Variants in COLEC12 observed in about 807,000 individuals in gnomAD.
The protein encoded by COLEC12 is collectin subfamily member 12.
COLEC12 carries 33 observed loss-of-function variants against 71.1 expected under a neutral mutation model. The ratio of observed to expected loss-of-function variants is 0.46; its 90% CI spans 0.35 to 0.62. The LOEUF (loss-of-function observed/expected upper bound fraction) is 0.62. COLEC12 is among the 20% of genes least tolerant of loss of function. The pLI is 0.00. For synonymous variants in COLEC12, 350 were observed against 353.0 expected (o/e 0.99, Z 0.10); for missense variants, 765 against 916.1 (o/e 0.84, Z 2.13).
rs1311214887 is a variant in COLEC12 at position 355,751 on chromosome 18, T to C, written c.181+1649A>G. On this transcript the variant is annotated intron_variant, in intron 3 of 9. Coordinates refer to ENST00000400256, the MANE Select transcript of COLEC12 (RefSeq NM_130386.3). ...CTAGGAAAAGTCATGGAGAAGTGAG[T>C]AATGACCTAAATAATCTAAACAAAA... is the stretch of plus-strand genomic sequence containing the variant. 2.0e-5 allele frequency among the ~76,000 whole-genome samples: 3 copies of C among 152,250 alleles called. No individual in the cohort carries two copies. In the East Asian group the frequency reaches 5.8e-4, roughly 29 times the overall value.
chr18:338,709 C>T (rs1914174855), intron 5 of COLEC12, among the ~76,000 whole-genome samples: 1 of 152,108 alleles, frequency 6.6e-6, no homozygotes, highest in African/African-American at 2.4e-5. Context: ...AATAGCATCC[C>T]AGAGATGAAT....
intron 7 of COLEC12, among the ~76,000 whole-genome samples, chr18:332,023 A>G (rs2143431802): frequency 6.6e-6 from 1 of 152,154 alleles, no homozygotes; most frequent in South Asian, 2.1e-4. Context: ...CCTCTAAATC[A>G]CTCAGACAAC....
rs1220708222 is a variant in COLEC12 at position 408,360 on chromosome 18, A to G, written c.59-50838T>C. Reference sequence around the variant, plus strand: ...AGGTATCAGATTCTTAAATTTAAGAATCAGAAACATTCTCATCATAAATGT... The same window carrying G: ...AGGTATCAGATTCTTAAATTTAAGAGTCAGAAACATTCTCATCATAAATGT... On this transcript the variant is annotated intron_variant, in intron 2 of 9. Transcript: ENST00000400256. The surrounding 1 kb of genome is among the most constrained non-coding windows in gnomAD (Gnocchi z 4.3). 6.6e-6 allele frequency among the ~76,000 whole-genome samples: 1 copy of G among 152,232 alleles called. No individual in the cohort carries two copies. The highest frequency in any genetic ancestry group is 1.5e-5 in the Non-Finnish European group (1 of 68,050).
chr18:433,801 A>G (rs1307721630), intron 2 of COLEC12, among the ~76,000 whole-genome samples: 1 of 152,004 alleles, frequency 6.6e-6, no homozygotes, highest in African/African-American at 2.4e-5. Flanking sequence ...CTGTCTCTAC[A>G]AAAAGTACAG....
At chr18:483,654 T>C (rs939262133) in intron 1 of COLEC12, among the ~76,000 whole-genome samples, 14 of 152,196 alleles carry the variant, frequency 9.2e-5, no homozygotes, top group Admixed American at 3.9e-4. Context: ...GATTCAGTGA[T>C]TGGCTACCTC....
intron 2 of COLEC12, among the ~76,000 whole-genome samples, chr18:392,606 G>A (rs138252373): frequency 4.6e-5 from 7 of 152,310 alleles, no homozygotes; most frequent in East Asian, 3.9e-4. Flanking sequence ...CTGGACCCAG[G>A]TTTGTGCATC....
At chr18:415,625 G>A (rs1598356190) in intron 2 of COLEC12, among the ~76,000 whole-genome samples, 1 of 152,100 alleles carries the variant, frequency 6.6e-6, no homozygotes, top group Non-Finnish European at 1.5e-5. Flanking sequence ...TGTAAAAGTT[G>A]CCCCTCTTGT....
At chr18:457,740 C>T (rs993511340) in intron 2 of COLEC12, among the ~76,000 whole-genome samples, 4 of 152,118 alleles carry the variant, frequency 2.6e-5, no homozygotes, top group Non-Finnish European at 4.4e-5. Flanking sequence ...CAGCTGTTTC[C>T]GACTTTTTGC....
intron 2 of COLEC12, among the ~76,000 whole-genome samples, chr18:475,125 T>C (rs1917280081): frequency 6.6e-6 from 1 of 152,060 alleles, no homozygotes; most frequent in Non-Finnish European, 1.5e-5. Context: ...TTAGGATTTG[T>C]AAAACCACAT....
chr18:489,128 A>C (rs529109635), intron 1 of COLEC12, among the ~76,000 whole-genome samples: 1 of 152,318 alleles, frequency 6.6e-6, no homozygotes, highest in Non-Finnish European at 1.5e-5. Flanking sequence ...AAAGCCTAAA[A>C]GCTTCCAGAC....
At chr18:428,449 C>G (rs895831873) in intron 2 of COLEC12, among the ~76,000 whole-genome samples, 3 of 152,056 alleles carry the variant, frequency 2.0e-5, no homozygotes, top group Non-Finnish European at 2.9e-5. Flanking sequence ...AAAAGTAGTG[C>G]TAAGTGATTA....
At chr18:432,580 T>C (rs562408706) in intron 2 of COLEC12, among the ~76,000 whole-genome samples, 16 of 152,218 alleles carry the variant, frequency 1.1e-4, no homozygotes, top group Non-Finnish European at 2.1e-4. Context: ...TTTTTGCTTA[T>C]ACGTGATTTC....
intron 2 of COLEC12, among the ~76,000 whole-genome samples, chr18:462,647 C>A (rs765450546): frequency 1.2e-4 from 18 of 152,186 alleles, no homozygotes; most frequent in Admixed American, 9.2e-4. Context: ...TGAACTGGTA[C>A]ACCTTAAATG....
chr18:435,775 TGAA>T (rs1039108705), intron 2 of COLEC12, among the ~76,000 whole-genome samples: 2 of 152,228 alleles, frequency 1.3e-5, no homozygotes, highest in East Asian at 1.9e-4. Flanking sequence ...ACACATAAGT[TGAA>T]GAAGTTCATT....
intron 4 of COLEC12, 57 bp from the exon 5 acceptor site, chr18:347,398 G>C: frequency 6.9e-7 from 1 of 1,445,574 alleles, no homozygotes; most frequent in Non-Finnish European, 9.6e-7. Context: ...GTTCAGGCAA[G>C]GCCAAAGATC....
At chr18:435,980 T>C (rs1430980486) in intron 2 of COLEC12, among the ~76,000 whole-genome samples, 1 of 152,162 alleles carries the variant, frequency 6.6e-6, no homozygotes, top group Non-Finnish European at 1.5e-5. Flanking sequence ...ATCTTCCATG[T>C]GTATGAAAGT....
intron 1 of COLEC12, among the ~76,000 whole-genome samples, chr18:483,259 G>T (rs1016438042): frequency 1.2e-4 from 18 of 152,068 alleles, no homozygotes; most frequent in African/African-American, 4.3e-4. Flanking sequence ...AATTAGCCGG[G>T]CGTGGTGGCA....
intron 2 of COLEC12, among the ~76,000 whole-genome samples, chr18:390,708 C>T (rs887961631): frequency 2.6e-5 from 4 of 151,850 alleles, no homozygotes; most frequent in Non-Finnish European, 5.9e-5. Flanking sequence ...TGCAGTGAGC[C>T]GAGATTGTGT....
intron 1 of COLEC12, among the ~76,000 whole-genome samples, chr18:492,027 G>A (rs1387034003): frequency 6.6e-6 from 1 of 152,126 alleles, no homozygotes; most frequent in Non-Finnish European, 1.5e-5. Context: ...TTTGTAGGGG[G>A]GTAATTAGAT....
Sources: allele counts gnomAD v4.1 joint callset (sites outside exome capture counted in the v4.1 genomes callset), GRCh38; gene constraint gnomAD v4.1.1; non-coding constraint Gnocchi (gnomAD v3.1); transcripts MANE v1.5; gene names NCBI Gene and HGNC (gene_info 2026-07-23, HGNC 2026-07-21).